Variants in ZNF503 observed in about 807,000 individuals in gnomAD.
ZNF503 encodes NocA-like zinc finger 2.
Under a neutral mutation model 34.4 loss-of-function variants are expected in ZNF503, and 15 were observed. The observed-to-expected ratio is 0.44, with a 90% CI of 0.29 to 0.67. The LOEUF (loss-of-function observed/expected upper bound fraction) is 0.67. Among genes scored for constraint, ZNF503 ranks in the 30% least tolerant of loss-of-function variants. The pLI, the probability that ZNF503 is intolerant of heterozygous loss-of-function variation, is 0.13. For missense variants in ZNF503, 1,007 were observed against 926.8 expected (o/e 1.09, Z -1.12); for synonymous variants, 580 against 456.8 (o/e 1.27, Z -3.44).
chr10:75,344,212 A>G, the ZNF503 span, among the ~76,000 whole-genome samples: 1 of 152,182 alleles, frequency 6.6e-6, no homozygotes, highest in South Asian at 2.1e-4. Context: ...GGGCTCCTCT[A>G]TGAGGGTCCC....
chr10:75,291,076 G>T, the ZNF503 span, among the ~76,000 whole-genome samples: 6 of 152,188 alleles, frequency 3.9e-5, no homozygotes, highest in Non-Finnish European at 7.3e-5. Context: ...CTAACCATGT[G>T]CCAGCCTGTG....
At chr10:75,386,398 C>G in the ZNF503 span, among the ~76,000 whole-genome samples, 1 of 152,134 alleles carries the variant, frequency 6.6e-6, no homozygotes, top group Admixed American at 6.5e-5. Flanking sequence ...TGATTTAGGT[C>G]CCTGTATTTG....
the ZNF503 span, among the ~76,000 whole-genome samples, chr10:75,346,540 C>T: frequency 6.6e-6 from 1 of 151,922 alleles, no homozygotes; most frequent in African/African-American, 2.4e-5. Flanking sequence ...AGGCAATCCT[C>T]CTGCCTCAGC....
chr10:75,371,371 A>G, the ZNF503 span, among the ~76,000 whole-genome samples: 13 of 152,204 alleles, frequency 8.5e-5, no homozygotes, highest in African/African-American at 2.7e-4. Flanking sequence ...AGCACTCAAT[A>G]GAAATCTGTC....
At chr10:75,372,155 C>T in the ZNF503 span, among the ~76,000 whole-genome samples, 2 of 152,236 alleles carry the variant, frequency 1.3e-5, no homozygotes, top group African/African-American at 4.8e-5. Context: ...TGGTCTCGAA[C>T]TCCTGACCTC....
exon 1 of ZNF503, chr10:75,401,758 GGGCTCTGGC>G (rs1843831449): frequency 2.9e-6 from 1 of 340,460 alleles, no homozygotes; most frequent in Admixed American, 5.2e-5. Flanking sequence ...TGTCCAGCCG[GGGCTCTGGC>G]GAGGAAACTC....
the ZNF503 span, among the ~76,000 whole-genome samples, chr10:75,303,181 C>T: frequency 1.3e-5 from 2 of 152,302 alleles, no homozygotes; most frequent in South Asian, 4.1e-4. Context: ...CTGGTCTAAA[C>T]AGGCTTGGGC....
the ZNF503 span, among the ~76,000 whole-genome samples, chr10:75,334,518 C>A: frequency 6.6e-6 from 1 of 152,154 alleles, no homozygotes; most frequent in Admixed American, 6.5e-5. Context: ...AGATTTGAGG[C>A]TCTAGATAAC....
chr10:75,381,761 A>G, the ZNF503 span, among the ~76,000 whole-genome samples: 1 of 133,666 alleles, frequency 7.5e-6, no homozygotes, highest in Non-Finnish European at 1.6e-5. Flanking sequence ...ACAAATGGAT[A>G]AAGAGTTATT....
chr10:75,298,991 G>A, the ZNF503 span: 2 of 151,606 alleles, frequency 1.3e-5, no homozygotes, highest in African/African-American at 4.9e-5. Context: ...GAGTGCAATG[G>A]TGTGATCTAG....
chr10:75,398,127 G>A lies in ZNF503; in HGVS notation c.*622C>T, dbSNP rs1843724269. On this transcript the variant is annotated 3_prime_UTR_variant, in exon 2 of 2. Coordinates refer to ENST00000372524, the MANE Select transcript of ZNF503 (RefSeq NM_032772.6). ...ATAATTGCAATTTGAAATCAGAGCT[G>A]ACAAATTGTGACTTTTTTTTTCATT... 6.6e-6 allele frequency: 1 copy of A among 150,716 alleles called. No individual in the cohort carries two copies. The highest frequency in any genetic ancestry group is 2.5e-5 in the African/African-American group (1 of 39,974). 9.3% of individuals were successfully genotyped at this position (150,716 alleles called of 1,614,324 possible).
At chr10:75,387,136 G>A in the ZNF503 span, among the ~76,000 whole-genome samples, 13 of 152,376 alleles carry the variant, frequency 8.5e-5, no homozygotes, top group African/African-American at 2.9e-4. Context: ...GGTGATCAGG[G>A]TTGTCTTCCC....
At chr10:75,296,504 C>G in the ZNF503 span, 6 of 151,982 alleles carry the variant, frequency 3.9e-5, no homozygotes, top group Admixed American at 1.3e-4. Flanking sequence ...AGACACCCCC[C>G]CTTCCTCCAG....
chr10:75,374,540 C>A, the ZNF503 span, among the ~76,000 whole-genome samples: 2 of 152,138 alleles, frequency 1.3e-5, no homozygotes, highest in Admixed American at 1.3e-4. Context: ...CCTTCAAATT[C>A]TTACCCGAAG....
the ZNF503 span, chr10:75,361,120 C>G: frequency 6.6e-6 from 1 of 152,198 alleles, no homozygotes; most frequent in African/African-American, 2.4e-5. Flanking sequence ...ATAGGATGGG[C>G]TTTGCAGGCA....
At chr10:75,338,255 C>G in the ZNF503 span, 1 of 152,226 alleles carries the variant, frequency 6.6e-6, no homozygotes, top group African/African-American at 2.4e-5. Context: ...TGCCCTCTTT[C>G]CCTCACTCTC....
At chr10:75,374,722 A>G in the ZNF503 span, among the ~76,000 whole-genome samples, 3 of 152,372 alleles carry the variant, frequency 2.0e-5, no homozygotes, top group East Asian at 5.8e-4. Flanking sequence ...ACTGTCTCCC[A>G]GTACCTACAA....
At chr10:75,389,116 G>A in the ZNF503 span, among the ~76,000 whole-genome samples, 1 of 152,218 alleles carries the variant, frequency 6.6e-6, no homozygotes, top group Non-Finnish European at 1.5e-5. Context: ...GGGTTTTGGA[G>A]GAGAGGAGAT....
chr10:75,395,161 A>C (rs2131983123), downstream of ZNF503, among the ~76,000 whole-genome samples: 1 of 152,374 alleles, frequency 6.6e-6, no homozygotes, highest in East Asian at 1.9e-4. This position sits in a 1 kb window ranked among gnomAD's most constrained non-coding sequence, Gnocchi z 4.4. Context: ...CGACTGCTTC[A>C]GCATGGCAGA....
Sources: gnomAD v4.1 joint callset for allele counts (sites outside exome capture counted in the v4.1 genomes callset) on GRCh38, gnomAD v4.1.1 for gene constraint, Gnocchi (gnomAD v3.1) non-coding constraint, MANE v1.5 for transcripts, NCBI Gene and HGNC (gene_info 2026-07-23, HGNC 2026-07-21) for gene names.